Variants in RNLS observed in about 807,000 individuals in gnomAD.
RNLS encodes the protein renalase.
A neutral mutation model predicts 39.8 loss-of-function variants in RNLS; 39 were observed. The observed-to-expected ratio is 0.98, with a 90% CI of 0.76 to 1.28. RNLS has a LOEUF of 1.28. Among genes scored for constraint, RNLS ranks in the 50% most tolerant of loss-of-function variants. The pLI is 0.00. For missense variants in RNLS, 410 were observed against 413.3 expected, an observed-to-expected ratio of 0.99 and a Z score of 0.07; for synonymous variants, 147 against 150.7, an observed-to-expected ratio of 0.98 and a Z score of 0.18.
rs554839498 is a variant in RNLS at position 88,334,453 on chromosome 10, A to G, written c.701-19812T>C. On this transcript the variant is annotated intron_variant, in intron 5 of 6. Coordinates refer to ENST00000331772, the MANE Select transcript of RNLS (RefSeq NM_001031709.3). The stretch of plus-strand genomic sequence containing the variant: ...TGAGAAGTTCAGGGTTTGGCACACA[A>G]TAAGTGCTCATCAAATGCTATTTGA... Among the ~76,000 whole-genome samples the G allele has an allele frequency of 1.7e-4, 26 of 152,292 alleles. No homozygotes were observed. The East Asian group carries it at 4.6e-3, about 27-fold the overall frequency.
chr10:88,475,532 C>T (rs1310696659), intron 4 of RNLS, among the ~76,000 whole-genome samples: 1 of 152,142 alleles, frequency 6.6e-6, no homozygotes, highest in Non-Finnish European at 1.5e-5. Context: ...CTTCTATTAG[C>T]AGCATTAAAA....
chr10:88,431,117 T>C (rs920723738), intron 4 of RNLS, among the ~76,000 whole-genome samples: 1 of 151,702 alleles, frequency 6.6e-6, no homozygotes, highest in African/African-American at 2.4e-5. Flanking sequence ...TTTTCTTTGT[T>C]AGAAGGTTTT....
At chr10:88,223,652 T>C in the RNLS span, among the ~76,000 whole-genome samples, 1 of 152,148 alleles carries the variant, frequency 6.6e-6, no homozygotes, top group Non-Finnish European at 1.5e-5. Flanking sequence ...TCTATGGAGA[T>C]ATGTCTTTTA....
intron 4 of RNLS, among the ~76,000 whole-genome samples, chr10:88,413,170 G>A (rs1853799680): frequency 6.6e-6 from 1 of 152,136 alleles, no homozygotes; most frequent in African/African-American, 2.4e-5. Context: ...CAGATACCTT[G>A]CTCCCATATC....
chr10:88,249,654 G>A, the RNLS span, among the ~76,000 whole-genome samples: 1 of 152,178 alleles, frequency 6.6e-6, no homozygotes, highest in Admixed American at 6.5e-5. Flanking sequence ...CTGCTGGCTA[G>A]AGCATCCACA....
the RNLS span, among the ~76,000 whole-genome samples, chr10:88,182,386 G>A: frequency 6.6e-6 from 1 of 152,032 alleles, no homozygotes; most frequent in Non-Finnish European, 1.5e-5. Context: ...TTAACATTTT[G>A]GCTGTTTATT....
intron 4 of RNLS, among the ~76,000 whole-genome samples, chr10:88,459,103 CTTTTTTT>C (rs34868471): frequency 4.1e-5 from 6 of 145,236 alleles, no homozygotes; most frequent in Admixed American, 6.9e-5. Context: ...TTTCTTTTTT[CTTTTTTT>C]TTTTTTTGAT....
At chr10:88,556,768 G>A (rs1014081775) in intron 4 of RNLS, among the ~76,000 whole-genome samples, 2 of 152,084 alleles carry the variant, frequency 1.3e-5, no homozygotes, top group Non-Finnish European at 2.9e-5. Context: ...GGTGTCTACT[G>A]TTTAAAAATC....
At chr10:88,202,796 G>A in the RNLS span, among the ~76,000 whole-genome samples, 8 of 152,154 alleles carry the variant, frequency 5.3e-5, no homozygotes, top group African/African-American at 7.2e-5. Context: ...TCACCTCATC[G>A]TGTACACAGC....
At chr10:88,447,115 T>A (rs905631530) in intron 4 of RNLS, among the ~76,000 whole-genome samples, 2 of 152,136 alleles carry the variant, frequency 1.3e-5, no homozygotes, top group African/African-American at 4.8e-5. Context: ...GACAGGGATG[T>A]CCTCTCTCAC....
intron 4 of RNLS, among the ~76,000 whole-genome samples, chr10:88,488,375 C>T (rs941699852): frequency 4.0e-5 from 6 of 151,592 alleles, no homozygotes; most frequent in Non-Finnish European, 8.8e-5. Context: ...GGAGAAACTC[C>T]GTCTCTACTA....
chr10:88,266,633 A>C, the RNLS span, among the ~76,000 whole-genome samples: 1 of 149,742 alleles, frequency 6.7e-6, no homozygotes, highest in African/African-American at 2.5e-5. Context: ...TGTGGTTTGC[A>C]TTGTTTTTAT....
the RNLS span, among the ~76,000 whole-genome samples, chr10:88,221,167 T>C: frequency 3.3e-5 from 5 of 152,232 alleles, no homozygotes; most frequent in Non-Finnish European, 7.3e-5. Flanking sequence ...GGCTCACATC[T>C]TGAAGAGCTC....
At chr10:88,233,251 TAAAAG>T in the RNLS span, among the ~76,000 whole-genome samples, 1 of 152,216 alleles carries the variant, frequency 6.6e-6, no homozygotes, top group African/African-American at 2.4e-5. Context: ...GAAGCCATCT[TAAAAG>T]AGAAAGCTTT....
At chr10:88,392,300 G>A (rs191552999) in intron 4 of RNLS, among the ~76,000 whole-genome samples, 1 of 152,332 alleles carries the variant, frequency 6.6e-6, no homozygotes, top group African/African-American at 2.4e-5. Flanking sequence ...GAAACTAGAA[G>A]TACAAGTTCA....
the RNLS span, among the ~76,000 whole-genome samples, chr10:88,204,934 GATGAA>G: frequency 2.0e-5 from 3 of 152,182 alleles, no homozygotes; most frequent in Non-Finnish European, 4.4e-5. Context: ...GAAGTCGGAA[GATGAA>G]ATGAACAATT....
At chr10:88,250,840 T>C in the RNLS span, among the ~76,000 whole-genome samples, 1 of 152,200 alleles carries the variant, frequency 6.6e-6, no homozygotes, top group Non-Finnish European at 1.5e-5. Context: ...AGAAATATAA[T>C]TCGTGAAAGA....
At chr10:88,492,088 CAG>C (rs1844916620) in intron 4 of RNLS, among the ~76,000 whole-genome samples, 2 of 151,866 alleles carry the variant, frequency 1.3e-5, no homozygotes, top group African/African-American at 4.8e-5. Context: ...TGCTTTACAG[CAG>C]AGTCATTCAT....
the RNLS span, among the ~76,000 whole-genome samples, chr10:88,192,922 G>A: frequency 1.3e-5 from 2 of 152,186 alleles, no homozygotes; most frequent in Non-Finnish European, 2.9e-5. Context: ...TAAAATAAGT[G>A]TATATTGACA....
Sources: allele counts gnomAD v4.1 joint callset (sites outside exome capture counted in the v4.1 genomes callset), GRCh38; gene constraint gnomAD v4.1.1; transcripts MANE v1.5; gene names NCBI Gene and HGNC (gene_info 2026-07-23, HGNC 2026-07-21).